SLC22A4: variants seen among roughly 807,000 people sequenced by gnomAD.
The protein encoded by SLC22A4 is solute carrier family 22 member 4.
A neutral mutation model predicts 56.6 loss-of-function variants in SLC22A4; 39 were observed. That is an observed-to-expected ratio of 0.69 (90% CI 0.53 to 0.90). The LOEUF is 0.90. Ranked by LOEUF, SLC22A4 falls within the 40% of genes least tolerant of loss-of-function variation. SLC22A4 has a pLI of 0.00. For missense variants in SLC22A4, 594 were observed against 696.5 expected (o/e 0.85, Z 1.66); for synonymous variants, 241 against 281.4 (o/e 0.86, Z 1.44).
intron 1 of SLC22A4, among the ~76,000 whole-genome samples, chr5:132,301,672 A>G (rs559492392): frequency 6.6e-6 from 1 of 152,356 alleles, no homozygotes; most frequent in Admixed American, 6.5e-5. Context: ...CACTGAGAGC[A>G]GCAAGCAAGG....
intron 1 of SLC22A4, among the ~76,000 whole-genome samples, chr5:132,301,709 A>G (rs3792877): frequency 0.043 from 6,593 of 152,252 alleles, 394 homozygotes; most frequent in African/African-American, 0.13. Context: ...TAACCCTCAC[A>G]TGCGGCTGCC....
chr5:132,301,765 TG>T (rs1749912908), intron 1 of SLC22A4, among the ~76,000 whole-genome samples: 1 of 152,198 alleles, frequency 6.6e-6, no homozygotes, highest in Admixed American at 6.5e-5. Flanking sequence ...GCACCTCCCC[TG>T]GGGTCTGGGT....
intron 1 of SLC22A4, among the ~76,000 whole-genome samples, chr5:132,306,032 T>G (rs1353595442): frequency 3.9e-5 from 6 of 152,142 alleles, no homozygotes; most frequent in Admixed American, 3.9e-4. Flanking sequence ...CACAATGAGA[T>G]ACCTCTTTAC....
At chr5:132,299,289 C>T (rs774963784) in intron 1 of SLC22A4, among the ~76,000 whole-genome samples, 1 of 152,146 alleles carries the variant, frequency 6.6e-6, no homozygotes, top group Non-Finnish European at 1.5e-5. Flanking sequence ...TGAGTGCATT[C>T]GTCTGTGTGT....
intron 3 of SLC22A4, among the ~76,000 whole-genome samples, chr5:132,319,982 C>CA (rs1351474246): frequency 5.3e-5 from 8 of 152,000 alleles, no homozygotes; most frequent in Non-Finnish European, 8.8e-5. Flanking sequence ...AGTACCTACT[C>CA]AAAAAAATGC....
chr5:132,316,258 C>T (rs1750353560), intron 3 of SLC22A4, among the ~76,000 whole-genome samples: 1 of 152,102 alleles, frequency 6.6e-6, no homozygotes. Flanking sequence ...ATCAAGGCTG[C>T]CACAGTCGTA....
intron 7 of SLC22A4, among the ~76,000 whole-genome samples, chr5:132,335,247 A>G (rs879577183): frequency 6.6e-6 from 1 of 152,164 alleles, no homozygotes; most frequent in Non-Finnish European, 1.5e-5. Context: ...GGCTACTCTC[A>G]AACATTTTCC....
chr5:132,341,587 G>A (rs1751219776), intron 9 of SLC22A4, among the ~76,000 whole-genome samples: 1 of 152,128 alleles, frequency 6.6e-6, no homozygotes, highest in African/African-American at 2.4e-5. Context: ...AGGGGGAATA[G>A]TTATTCAGTA....
chr5:132,324,019 C>T (rs1174341098), intron 4 of SLC22A4, among the ~76,000 whole-genome samples: 1 of 151,948 alleles, frequency 6.6e-6, no homozygotes, highest in Non-Finnish European at 1.5e-5. Context: ...ATGGCAAAAC[C>T]CTGTCTGTAC....
intron 2 of SLC22A4, 135 bp from the exon 3 acceptor site, chr5:132,313,479 G>C (rs189314244): frequency 1.6e-4 from 131 of 800,532 alleles, no homozygotes; most frequent in Non-Finnish European, 2.5e-4. Flanking sequence ...GAGGAAGATG[G>C]GAGGATGTGA....
intron 3 of SLC22A4, chr5:132,321,072 C>A (rs1451003354): frequency 3.9e-5 from 6 of 152,262 alleles, no homozygotes; most frequent in African/African-American, 7.2e-5. Context: ...GGCCAATAGT[C>A]GCCTGCATGT....
In SLC22A4 at chr5:132,314,672, G is replaced by A. The variant is rs577724430; in HGVS notation, c.652+904G>A. On this transcript the variant is annotated intron_variant, in intron 3 of 9. Coordinates refer to ENST00000200652, the MANE Select transcript of SLC22A4 (RefSeq NM_003059.3). Reference sequence around the variant, plus strand: ...TCTAACGATTCTTCTTGCCTCAAAAGTCCGAATCTGGTTAGGTGACTCTGA... The same window carrying A: ...TCTAACGATTCTTCTTGCCTCAAAAATCCGAATCTGGTTAGGTGACTCTGA... Among the ~76,000 whole-genome samples, 20 of 152,292 alleles carry A rather than the reference G, an allele frequency of 1.3e-4. 1 individual carries two copies. In the South Asian group the frequency reaches 4.1e-3, roughly 32 times the overall value.
At chr5:132,319,360 C>T (rs560075625) in intron 3 of SLC22A4, among the ~76,000 whole-genome samples, 1 of 151,990 alleles carries the variant, frequency 6.6e-6, no homozygotes, top group African/African-American at 2.4e-5. Flanking sequence ...AGGATATGGC[C>T]TTACCCATCT....
chr5:132,322,795 G>A (rs555515577), intron 4 of SLC22A4, among the ~76,000 whole-genome samples: 1 of 152,304 alleles, frequency 6.6e-6, no homozygotes, highest in African/African-American at 2.4e-5. Context: ...CACTATGATA[G>A]TGTGCCTATT....
intron 3 of SLC22A4, among the ~76,000 whole-genome samples, chr5:132,321,910 A>T (rs1326789187): frequency 1.3e-5 from 2 of 151,654 alleles, no homozygotes; most frequent in Non-Finnish European, 2.9e-5. Flanking sequence ...TTTGTCTCAA[A>T]AATAATAATA....
intron 1 of SLC22A4, among the ~76,000 whole-genome samples, chr5:132,299,428 T>A (rs1749857507): frequency 6.7e-6 from 1 of 149,222 alleles, no homozygotes; most frequent in Non-Finnish European, 1.5e-5. Flanking sequence ...TATTTTATTT[T>A]ATTTTTTTGA....
intron 6 of SLC22A4, among the ~76,000 whole-genome samples, chr5:132,334,039 C>T (rs1375013673): frequency 6.6e-6 from 1 of 152,144 alleles, no homozygotes; most frequent in Admixed American, 6.5e-5. Context: ...AAACTCCTGA[C>T]CTCAGGTGAT....
At chr5:132,341,941 C>T (rs562604975) in intron 9 of SLC22A4, among the ~76,000 whole-genome samples, 75 of 150,154 alleles carry the variant, frequency 5.0e-4, no homozygotes, top group African/African-American at 1.7e-3. Flanking sequence ...AGCGAGACTC[C>T]GTCTCCAAAA....
At chr5:132,298,101 A>G (rs1372429650) in intron 1 of SLC22A4, among the ~76,000 whole-genome samples, 1 of 152,248 alleles carries the variant, frequency 6.6e-6, no homozygotes, top group Non-Finnish European at 1.5e-5. Context: ...AATTAAAAAT[A>G]GAATCACCAT....
Sources: gnomAD v4.1 joint callset for allele counts (sites outside exome capture counted in the v4.1 genomes callset) on GRCh38, gnomAD v4.1.1 for gene constraint, MANE v1.5 for transcripts, NCBI Gene and HGNC (gene_info 2026-07-23, HGNC 2026-07-21) for gene names.